PCDHA3: variants seen among roughly 807,000 people sequenced by gnomAD.
The protein encoded by PCDHA3 is protocadherin alpha 3, also known as protocadherin alpha-3.
Under a neutral mutation model 62.2 loss-of-function variants are expected in PCDHA3, and 41 were observed. The ratio of observed to expected loss-of-function variants is 0.66; its 90% confidence interval spans 0.51 to 0.86. The LOEUF (loss-of-function observed/expected upper bound fraction) is 0.86. Ranked by LOEUF, PCDHA3 falls within the 40% of genes least tolerant of loss-of-function variation. The pLI is 0.00. For missense variants in PCDHA3, 1,304 were observed against 1,241.2 expected, an observed-to-expected ratio of 1.05 and a Z score of -0.76; for synonymous variants, 640 against 555.4, an observed-to-expected ratio of 1.15 and a Z score of -2.14.
At chr5:140,869,582 C>T (rs936485472) in intron 1 of PCDHA3, 7 of 1,614,088 alleles carry the variant, frequency 4.3e-6, no homozygotes, top group Middle Eastern at 1.6e-4. Context: ...GCTTCTGATG[C>T]TGACATTGAA....
intron 1 of PCDHA3, chr5:140,877,670 C>A: frequency 6.2e-7 from 1 of 1,613,654 alleles, no homozygotes; most frequent in Non-Finnish European, 8.5e-7. Flanking sequence ...AGCCGGTGCG[C>A]GCCGGGCAAG....
At position 140,870,413 on chromosome 5, in the gene PCDHA3, C is replaced by G. The variant is rs200037363; in HGVS notation, c.2394+66822C>G. ...GGGGGTTCGCCTTCTCTGTGGGCCA[C>G]GGCCAGGGTATCCGTGGAGGTGGCC... On this transcript the variant is annotated intron_variant, in intron 1 of 3. Transcript: ENST00000522353. The G allele has an allele frequency of 7.6e-5, 123 of 1,614,124 alleles. No individual in the cohort carries two copies. In the African/African-American group the frequency reaches 1.6e-3, roughly 21 times the overall value.
At chr5:140,832,628 G>T (rs2150202916) in intron 1 of PCDHA3, among the ~76,000 whole-genome samples, 2 of 152,228 alleles carry the variant, frequency 1.3e-5, no homozygotes, top group South Asian at 2.1e-4. Flanking sequence ...TTTTTAAAAA[G>T]TTCCTAGGAG....
chr5:140,852,889 T>G lies in PCDHA3; in HGVS notation c.2394+49298T>G. On this transcript the variant is annotated intron_variant, in intron 1 of 3. Transcript: ENST00000522353. ...TCATCAATAATCATAAAACGTATTT[T>G]TTTTTTTGAGTCAGAGTCTCGCTCT... is the stretch of plus-strand genomic sequence containing the variant. The G allele has an allele frequency of 2.2e-6, 2 of 920,480 alleles. 1 individual carries two copies. The highest frequency in any genetic ancestry group is 2.6e-6 in the Non-Finnish European group (2 of 757,628). The allele number at this position is 920,480 out of a possible 1,614,324, so 57.0% of individuals were successfully genotyped here.
At chr5:140,859,226 A>G (rs190980812) in intron 1 of PCDHA3, 1 of 149,940 alleles carries the variant, frequency 6.7e-6, no homozygotes, top group East Asian at 1.9e-4. Flanking sequence ...ACTTTAAGGA[A>G]GGAGTCATGC....
At chr5:140,808,364 G>C (rs76650315) in intron 1 of PCDHA3, 2 of 1,614,052 alleles carry the variant, frequency 1.2e-6, no homozygotes, top group Non-Finnish European at 1.7e-6. Context: ...GACGTCCCAC[G>C]TCCCCTTCAA....
At chr5:140,892,242 C>A (rs1554185127) in intron 1 of PCDHA3, among the ~76,000 whole-genome samples, 3 of 152,034 alleles carry the variant, frequency 2.0e-5, no homozygotes, top group Non-Finnish European at 4.4e-5. Context: ...TCCACATAAA[C>A]CTGGTTATCT....
At chr5:140,927,174 C>G (rs782406584) in intron 1 of PCDHA3, 2 of 1,614,186 alleles carry the variant, frequency 1.2e-6, no homozygotes, top group Non-Finnish European at 8.5e-7. Context: ...CTGCCTGCGT[C>G]TTGACCTACG....
In PCDHA3 at chr5:140,859,591, T is replaced by C. The variant is rs540429741; in HGVS notation, c.2394+56000T>C. On this transcript the variant is annotated intron_variant, in intron 1 of 3. Transcript: ENST00000522353. Reference sequence around the variant, plus strand: ...AATTTGTCATCTTGCCTATGGCTCTTAGCAATTACTTTTTTCTTTCCTTTC... The same window carrying C: ...AATTTGTCATCTTGCCTATGGCTCTCAGCAATTACTTTTTTCTTTCCTTTC... 5 of 165,482 alleles carry C rather than the reference T, an allele frequency of 3.0e-5. No homozygotes were observed. The East Asian group carries it at 9.4e-4, about 31-fold the overall frequency. 10.3% of individuals were successfully genotyped at this position (165,482 alleles called of 1,614,324 possible). A position where few individuals can be genotyped will look rare whatever the true frequency, so the allele number is the denominator to read the frequency against.
chr5:140,803,449 C>CCCCACCCTCT lies in PCDHA3; in HGVS notation c.2252_2253insCCCACCCTCT (p.Gln752ProfsTer25). 2 of 1,614,208 alleles carry CCCCACCCTCT rather than the reference C, an allele frequency of 1.2e-6. No individual in the cohort carries two copies. The highest frequency in any genetic ancestry group is 1.7e-6 in the Non-Finnish European group (2 of 1,180,032). ...AGCGCGGTGGGGAGCTGGTCATACTCGCAGCAGAGGCAGCAGAGGGTGTGC... is the reference window on the plus strand; with the variant it reads ...AGCGCGGTGGGGAGCTGGTCATACTCCCCACCCTCTGCAGCAGAGGCAGCAGAGGGTGTGC... On this transcript the variant is annotated frameshift_variant, in exon 1 of 4. Coordinates refer to ENST00000522353, the MANE Select transcript of PCDHA3 (RefSeq NM_018906.3). LOFTEE classifies it high-confidence loss of function.
chr5:140,904,939 T>G (rs1418494936), intron 1 of PCDHA3, among the ~76,000 whole-genome samples: 3 of 152,254 alleles, frequency 2.0e-5, no homozygotes, highest in Admixed American at 2.0e-4. Flanking sequence ...TTCTGGATAT[T>G]AGTCCTTTGT....
chr5:140,855,885 A>C lies in PCDHA3; in HGVS notation c.2394+52294A>C, dbSNP rs182267691. The C allele has an allele frequency of 1.4e-3, 1,364 of 972,052 alleles. 77 individuals carry two copies. Among genetic ancestry groups the C allele is most frequent in the Non-Finnish European group, 3.0e-4 (200 of 667,108 alleles). The allele number at this position is 972,052 out of a possible 1,614,324, so 60.2% of individuals were successfully genotyped here. On this transcript the variant is annotated intron_variant, in intron 1 of 3. Coordinates refer to ENST00000522353, the MANE Select transcript of PCDHA3 (RefSeq NM_018906.3). ...TGTCGTCCACAAAATAGCTTTTTAG[A>C]ACAAAGGCATCAGCCAGTTTCTCAA...
At chr5:140,818,270 T>G (rs2150100638) in intron 1 of PCDHA3, among the ~76,000 whole-genome samples, 1 of 152,366 alleles carries the variant, frequency 6.6e-6, no homozygotes, top group African/African-American at 2.4e-5. Context: ...CTTTTTCTCT[T>G]TGTTTCATAA....
At chr5:140,884,435 T>C (rs1554181555) in intron 1 of PCDHA3, 1 of 1,613,872 alleles carries the variant, frequency 6.2e-7, no homozygotes, top group East Asian at 2.2e-5. Flanking sequence ...TGCGCTGCGG[T>C]GCTCGGCACC....
chr5:140,849,687 G>T, intron 1 of PCDHA3: 1 of 1,598,686 alleles, frequency 6.3e-7, no homozygotes. Context: ...CTTCAAGCTG[G>T]TGTCCACCTA....
At chr5:140,858,085 G>A (rs782551513) in intron 1 of PCDHA3, 1 of 1,597,828 alleles carries the variant, frequency 6.3e-7, no homozygotes, top group Non-Finnish European at 8.6e-7. Context: ...AGGCCTCGTC[G>A]CGGGCTTCAG....
At chr5:140,840,375 A>G (rs1776670697) in intron 1 of PCDHA3, among the ~76,000 whole-genome samples, 1 of 151,962 alleles carries the variant, frequency 6.6e-6, no homozygotes, top group Non-Finnish European at 1.5e-5. Context: ...AGAAAATGAA[A>G]ATAGGGGGTT....
At chr5:140,822,530 A>G (rs2150117058) in intron 1 of PCDHA3, 1 of 1,613,856 alleles carries the variant, frequency 6.2e-7, no homozygotes, top group Non-Finnish European at 8.5e-7. Context: ...AGATTGTTGG[A>G]AAATGCACCA....
At chr5:140,870,402 T>G (rs782585618) in intron 1 of PCDHA3, 8 of 1,614,212 alleles carry the variant, frequency 5.0e-6, no homozygotes, top group Non-Finnish European at 5.1e-6. Flanking sequence ...GTTCGCCTTC[T>G]CTGTGGGCCA....
Sources: gnomAD v4.1 joint callset for allele counts (sites outside exome capture counted in the v4.1 genomes callset) on GRCh38, gnomAD v4.1.1 for gene constraint, MANE v1.5 for transcripts, NCBI Gene and HGNC (gene_info 2026-07-23, HGNC 2026-07-21) for gene names.